SHISA6: variants seen among roughly 807,000 people sequenced by gnomAD.
SHISA6 encodes the protein protein shisa-6.
SHISA6 carries 22 observed loss-of-function variants against 47.9 expected under a neutral mutation model. The observed-to-expected ratio is 0.46, with a 90% CI of 0.33 to 0.66. The LOEUF (loss-of-function observed/expected upper bound fraction) is 0.66, where lower values mean the gene tolerates loss of function less well. Ranked by LOEUF, SHISA6 falls within the 30% of genes least tolerant of loss-of-function variation. The pLI is 0.02. For synonymous variants in SHISA6, 388 were observed against 337.8 expected (o/e 1.15, Z -1.63); for missense variants, 680 against 764.6 (o/e 0.89, Z 1.30).
At chr17:11,531,970 G>C (rs2071737650) in intron 3 of SHISA6, among the ~76,000 whole-genome samples, 2 of 152,094 alleles carry the variant, frequency 1.3e-5, no homozygotes, top group Admixed American at 6.5e-5. Context: ...TTTATTATTT[G>C]TCAAATACAA....
At chr17:11,309,634 C>T (rs1427522485) in intron 2 of SHISA6, among the ~76,000 whole-genome samples, 3 of 152,202 alleles carry the variant, frequency 2.0e-5, no homozygotes, top group Non-Finnish European at 4.4e-5. Context: ...TCTAAGGCAT[C>T]ATCAATAATT....
intron 3 of SHISA6, among the ~76,000 whole-genome samples, chr17:11,479,104 T>C (rs1167180688): frequency 2.6e-5 from 4 of 151,706 alleles, no homozygotes; most frequent in Non-Finnish European, 5.9e-5. Flanking sequence ...TGCCCTAGAG[T>C]TTGCAATATA....
At chr17:11,423,797 G>A (rs1251994725) in intron 3 of SHISA6, among the ~76,000 whole-genome samples, 1 of 151,548 alleles carries the variant, frequency 6.6e-6, no homozygotes, top group Non-Finnish European at 1.5e-5. Context: ...CAATAAAAAT[G>A]TAAAGAAAGG....
chr17:11,401,781 C>T (rs1913782395), intron 3 of SHISA6, among the ~76,000 whole-genome samples: 1 of 152,222 alleles, frequency 6.6e-6, no homozygotes, highest in Non-Finnish European at 1.5e-5. Context: ...TTCTGCCATC[C>T]TGTAGCTGCA....
At chr17:11,433,844 A>T (rs916274121) in intron 3 of SHISA6, among the ~76,000 whole-genome samples, 11 of 152,144 alleles carry the variant, frequency 7.2e-5, no homozygotes, top group Middle Eastern at 6.8e-3. Context: ...GCCCCAGGAG[A>T]GCATCCTAGG....
intron 3 of SHISA6, among the ~76,000 whole-genome samples, chr17:11,518,973 T>C (rs9889245): frequency 0.076 from 11,572 of 152,200 alleles, 506 homozygotes; most frequent in African/African-American, 0.1. Context: ...CATTGAAGTA[T>C]CTCTGTCTGG....
chr17:11,320,971 T>C (rs1910698797), intron 2 of SHISA6, among the ~76,000 whole-genome samples: 1 of 152,222 alleles, frequency 6.6e-6, no homozygotes, highest in Non-Finnish European at 1.5e-5. Flanking sequence ...TGCTCTTTCA[T>C]GTCTGTATTA....
At chr17:11,497,799 A>G (rs911221553) in intron 3 of SHISA6, among the ~76,000 whole-genome samples, 3 of 151,902 alleles carry the variant, frequency 2.0e-5, no homozygotes, top group African/African-American at 7.3e-5. Context: ...ATCCTACGAC[A>G]TCCATTCCTC....
intron 2 of SHISA6, among the ~76,000 whole-genome samples, chr17:11,341,798 A>G (rs776044549): frequency 1.1e-4 from 16 of 152,152 alleles, no homozygotes; most frequent in African/African-American, 3.1e-4. Flanking sequence ...ATGTTATGAT[A>G]TCAGTGCTGT....
At chr17:11,323,697 A>G (rs1441363315) in intron 2 of SHISA6, among the ~76,000 whole-genome samples, 2 of 149,864 alleles carry the variant, frequency 1.3e-5, no homozygotes, top group East Asian at 4.0e-4. Flanking sequence ...TAATAATAAT[A>G]ATACATGATA....
At chr17:11,310,153 T>C (rs917928418) in intron 2 of SHISA6, among the ~76,000 whole-genome samples, 1 of 152,182 alleles carries the variant, frequency 6.6e-6, no homozygotes, top group East Asian at 1.9e-4. Flanking sequence ...ACAGTCTCCA[T>C]TATACATGCT....
At chr17:11,289,286 G>T (rs2142167230) in intron 2 of SHISA6, 1 of 151,882 alleles carries the variant, frequency 6.6e-6, no homozygotes, top group Non-Finnish European at 1.5e-5. Context: ...TCAAAAGTTT[G>T]TTACCCTTTT....
intron 3 of SHISA6, among the ~76,000 whole-genome samples, chr17:11,385,374 G>A (rs189175134): frequency 2.6e-5 from 4 of 152,100 alleles, no homozygotes; most frequent in African/African-American, 9.6e-5. Flanking sequence ...TCAGAAAGGT[G>A]CAGGGAATTG....
intron 2 of SHISA6, among the ~76,000 whole-genome samples, chr17:11,365,230 A>C: frequency 6.6e-6 from 1 of 152,152 alleles, no homozygotes. Context: ...GAAATCCCTT[A>C]TTCTATTAAG....
At chr17:11,294,010 C>T (rs1014737058) in intron 2 of SHISA6, among the ~76,000 whole-genome samples, 2 of 148,726 alleles carry the variant, frequency 1.3e-5, no homozygotes, top group East Asian at 2.0e-4. Flanking sequence ...CTCAGCCTCC[C>T]GAGTAGCTGG....
intron 2 of SHISA6, among the ~76,000 whole-genome samples, chr17:11,369,092 A>G (rs1912544887): frequency 6.6e-6 from 1 of 152,224 alleles, no homozygotes; most frequent in Non-Finnish European, 1.5e-5. Flanking sequence ...AGAAAGACTT[A>G]TTGGAAGTCT....
intron 3 of SHISA6, among the ~76,000 whole-genome samples, chr17:11,492,571 G>C (rs1463306855): frequency 6.6e-6 from 1 of 152,176 alleles, no homozygotes; most frequent in Non-Finnish European, 1.5e-5. Context: ...TTGTTGTAGG[G>C]AGTAAATGCA....
intron 3 of SHISA6, among the ~76,000 whole-genome samples, chr17:11,545,873 G>C (rs1054832988): frequency 3.9e-5 from 6 of 152,202 alleles, no homozygotes; most frequent in African/African-American, 1.4e-4. Flanking sequence ...TGGAATCTAA[G>C]GTTGAGTGTG....
chr17:11,487,534 A>G (rs554443281), intron 3 of SHISA6, among the ~76,000 whole-genome samples: 1 of 152,144 alleles, frequency 6.6e-6, no homozygotes, highest in Non-Finnish European at 1.5e-5. Context: ...AACATCCTGA[A>G]AGCATGAAAA....
Sources: gnomAD v4.1 joint callset for allele counts (sites outside exome capture counted in the v4.1 genomes callset) on GRCh38, gnomAD v4.1.1 for gene constraint, MANE v1.5 for transcripts, NCBI Gene and HGNC (gene_info 2026-07-23, HGNC 2026-07-21) for gene names.